The following PPFIBP2 variants were observed in gnomAD, a reference collection of about 807,000 sequenced individuals.
PPFIBP2 encodes the protein liprin-beta-2.
A neutral mutation model predicts 118.3 loss-of-function variants in PPFIBP2; 118 were observed. The ratio of observed to expected loss-of-function variants is 1.00; its 90% CI spans 0.86 to 1.16. The LOEUF (loss-of-function observed/expected upper bound fraction) is 1.16. Among genes scored for constraint, PPFIBP2 ranks in the 50% most tolerant of loss-of-function variants. The pLI is 0.00. For missense variants in PPFIBP2, 1,195 were observed against 1,073.1 expected (o/e 1.11, Z -1.59); for synonymous variants, 414 against 397.4 (o/e 1.04, Z -0.50).
chr11:7,599,797 A>AC (rs1861084905), intron 5 of PPFIBP2, among the ~76,000 whole-genome samples: 1 of 117,410 alleles, frequency 8.5e-6, no homozygotes, highest in African/African-American at 3.3e-5. Context: ...CGCCCGGCTA[A>AC]TTTTTTTTTT....
At chr11:7,551,320 G>C (rs1374644754) in intron 2 of PPFIBP2, among the ~76,000 whole-genome samples, 1 of 152,110 alleles carries the variant, frequency 6.6e-6, no homozygotes, top group Non-Finnish European at 1.5e-5. Flanking sequence ...GCGAGTCCCT[G>C]GCAGACCTCT....
chr11:7,577,332 T>TGCGTGTGTGTGCGTGTGTGTGC, intron 3 of PPFIBP2: 6 of 243,442 alleles, frequency 2.5e-5, no homozygotes, highest in South Asian at 1.9e-4. Flanking sequence ...TGTGTGTGTG[T>TGCGTGTGTGTGCGTGTGTGTGC]GTGTGTGTGT....
chr11:7,645,555 G>A (rs1401122341), intron 17 of PPFIBP2, among the ~76,000 whole-genome samples: 3 of 152,166 alleles, frequency 2.0e-5, no homozygotes, highest in Non-Finnish European at 4.4e-5. Context: ...ATTTCCCAGC[G>A]TGTTCAGTGG....
intron 3 of PPFIBP2, among the ~76,000 whole-genome samples, chr11:7,591,242 GGAA>G (rs1859234175): frequency 6.6e-6 from 1 of 151,950 alleles, no homozygotes; most frequent in Non-Finnish European, 1.5e-5. Context: ...TGGAGTCTCT[GGAA>G]GAAGTCTTGC....
intron 15 of PPFIBP2, among the ~76,000 whole-genome samples, chr11:7,640,131 C>T (rs2135879016): frequency 6.6e-6 from 1 of 151,164 alleles, no homozygotes; most frequent in South Asian, 2.1e-4. Flanking sequence ...CAGCTTTTCA[C>T]CCTTATTTCC....
At chr11:7,655,408 G>A (rs1854587396), downstream of PPFIBP2, 2 of 1,288,198 alleles carry the variant, frequency 1.6e-6, no homozygotes, top group African/African-American at 1.5e-5. Context: ...CATGTGTGCT[G>A]ACCAGGCTGC....
chr11:7,537,659 C>T (rs557101220), intron 1 of PPFIBP2, among the ~76,000 whole-genome samples: 46 of 152,272 alleles, frequency 3.0e-4, no homozygotes, highest in African/African-American at 1.0e-3. Flanking sequence ...TAAGTGGCTA[C>T]GGTGGGCCCT....
At chr11:7,525,912 G>A (rs61890183) in intron 1 of PPFIBP2, among the ~76,000 whole-genome samples, 5,628 of 152,280 alleles carry the variant, frequency 0.037, 149 homozygotes, top group Non-Finnish European at 0.061. Context: ...AGATATAGGG[G>A]AATGACTGCT....
In PPFIBP2 at chr11:7,514,034, C is replaced by T. The variant is rs1294797005; in HGVS notation, c.-124C>T. On this transcript the variant is annotated 5_prime_UTR_variant, in exon 1 of 24. Transcript: ENST00000299492. ...TGGGCCAGTGGCCCGTCGCTCGCTTCTGGGCTCTCATGTTTGAAGGTGGGA... is the reference window on the plus strand; with the variant it reads ...TGGGCCAGTGGCCCGTCGCTCGCTTTTGGGCTCTCATGTTTGAAGGTGGGA... 2.0e-5 allele frequency: 3 copies of T among 152,342 alleles called. No homozygotes were observed. The highest frequency in any genetic ancestry group is 2.9e-5 in the Non-Finnish European group (2 of 68,128). The allele number at this position is 152,342 out of a possible 1,614,324, so 9.4% of individuals were successfully genotyped here. A position where few individuals can be genotyped will look rare whatever the true frequency, so the allele number is the denominator to read the frequency against.
intron 5 of PPFIBP2, among the ~76,000 whole-genome samples, chr11:7,602,840 A>G (rs1846839839): frequency 6.6e-6 from 1 of 152,122 alleles, no homozygotes; most frequent in Non-Finnish European, 1.5e-5. Flanking sequence ...GTTCATGGAT[A>G]TGGGTTTCTA....
In PPFIBP2 at chr11:7,610,308, A is replaced by G. The variant is rs779435411; in HGVS notation, c.504A>G (p.Thr168=). 9.3e-6 allele frequency: 15 copies of G among 1,614,016 alleles called. No individual in the cohort carries two copies. Among genetic ancestry groups the G allele is most frequent in the East Asian group, 2.2e-5 (1 of 44,898 alleles). ...GCTTGCAGGAGCTGCTAAGCCGCACATCTCTTGAGACCCAGAAGCTCGATC... is the reference window on the plus strand; with the variant it reads ...GCTTGCAGGAGCTGCTAAGCCGCACGTCTCTTGAGACCCAGAAGCTCGATC... ...EMLQQELLSR[T]SLETQKLDLM... is the part of the protein sequence containing the mutation. The change falls in exon 6 of 24, where the codon ACA becomes ACG. Residue 168 remains threonine, a synonymous_variant. Coordinates refer to ENST00000299492, the MANE Select transcript of PPFIBP2 (RefSeq NM_003621.5).
intron 6 of PPFIBP2, among the ~76,000 whole-genome samples, chr11:7,611,514 T>C (rs1417053550): frequency 6.6e-6 from 1 of 152,266 alleles, no homozygotes; most frequent in Non-Finnish European, 1.5e-5. Context: ...TAATTAGAAG[T>C]ACAGTTGCCA....
At chr11:7,577,397 C>A (rs1320931916) in intron 3 of PPFIBP2, 1 of 365,516 alleles carries the variant, frequency 2.7e-6, no homozygotes, top group Non-Finnish European at 5.4e-6. Flanking sequence ...ACGGTCTGCT[C>A]TGTGTCGCTG....
intron 1 of PPFIBP2, among the ~76,000 whole-genome samples, chr11:7,531,994 C>T (rs1040611823): frequency 6.6e-6 from 1 of 152,148 alleles, no homozygotes; most frequent in Non-Finnish European, 1.5e-5. Flanking sequence ...TACTACCACA[C>T]TTGGCTAGTT....
At chr11:7,596,598 C>T (rs575802292) in intron 4 of PPFIBP2, among the ~76,000 whole-genome samples, 14 of 152,296 alleles carry the variant, frequency 9.2e-5, no homozygotes, top group African/African-American at 3.4e-4. Context: ...AATGAATTCA[C>T]ATCAACTCAT....
intron 1 of PPFIBP2, among the ~76,000 whole-genome samples, chr11:7,533,033 G>GT (rs5789525): frequency 0.64 from 95,368 of 148,874 alleles, 30,980 homozygotes; most frequent in Non-Finnish European, 0.67. Context: ...ATTCATATCT[G>GT]TTTTTTTTTG....
chr11:7,553,312 C>G (rs1043161523), intron 2 of PPFIBP2, among the ~76,000 whole-genome samples: 1 of 152,078 alleles, frequency 6.6e-6, no homozygotes, highest in Non-Finnish European at 1.5e-5. Flanking sequence ...TTGACAGGAG[C>G]TATTTGACAG....
chr11:7,603,716 G>A (rs752392292), intron 5 of PPFIBP2, among the ~76,000 whole-genome samples: 10 of 152,158 alleles, frequency 6.6e-5, no homozygotes, highest in South Asian at 2.1e-4. Flanking sequence ...GAGTTGCTCC[G>A]AGATATAAAC....
At chr11:7,666,655 A>T in the PPFIBP2 span, 1 of 703,976 alleles carries the variant, frequency 1.4e-6, no homozygotes, top group South Asian at 1.9e-5. Context: ...CCACCACTCC[A>T]GCTGGAGTGC....
Sources: gnomAD v4.1 joint callset for allele counts (sites outside exome capture counted in the v4.1 genomes callset) on GRCh38, gnomAD v4.1.1 for gene constraint, MANE v1.5 for transcripts, NCBI Gene and HGNC (gene_info 2026-07-23, HGNC 2026-07-21) for gene names.